Variants in SARDH observed in about 807,000 individuals in gnomAD.
SARDH encodes the protein sarcosine dehydrogenase.
SARDH carries 95 observed loss-of-function variants against 109.1 expected under a neutral mutation model. That is an observed-to-expected ratio of 0.87 (90% CI 0.74 to 1.03). SARDH has a LOEUF of 1.03. Among genes scored for constraint, SARDH ranks in the 50% least tolerant of loss-of-function variants. The pLI is 0.00. For missense variants in SARDH, 1,267 were observed against 1,287.8 expected (o/e 0.98, Z 0.25); for synonymous variants, 572 against 534.8 (o/e 1.07, Z -0.96).
chr9:133,672,476 T>C (rs1419553803), intron 17 of SARDH, among the ~76,000 whole-genome samples: 1 of 152,172 alleles, frequency 6.6e-6, no homozygotes, highest in Non-Finnish European at 1.5e-5. Flanking sequence ...GAGCCCAGCT[T>C]TATCTGTTTC....
rs569897475 is a variant in SARDH at position 133,719,140 on chromosome 9, C to T, written c.916-98G>A. 9.1e-4 allele frequency: 877 copies of T among 966,288 alleles called. 4 individuals are homozygous for T. Among genetic ancestry groups the T allele is most frequent in the Non-Finnish European group, 6.5e-4 (396 of 610,354 alleles). 59.9% of individuals were successfully genotyped at this position (966,288 alleles called of 1,614,324 possible). ...GGGCCAGCACCTCCACCCAGGGTCA[C>T]GGGCTCGAGATGGTCCTTCTCGTTG... On this transcript the variant is annotated intron_variant, in intron 6 of 20. Coordinates refer to ENST00000439388, the MANE Select transcript of SARDH (RefSeq NM_001134707.2).
rs1216379776 is a variant in SARDH at position 133,690,927 on chromosome 9, C to A, written c.1922-400G>T. 3.9e-5 allele frequency among the ~76,000 whole-genome samples: 6 copies of A among 152,114 alleles called. No homozygotes were observed. The East Asian group carries it at 1.2e-3, about 29-fold the overall frequency. On this transcript the variant is annotated intron_variant, in intron 15 of 20. Transcript: ENST00000439388. ...TTTTCTCATCTGTAAAAGGGGCAGA[C>A]CCACAACATCTGGCCCCACAGGGCT...
intron 14 of SARDH, among the ~76,000 whole-genome samples, chr9:133,695,685 T>C (rs1831259593): frequency 8.3e-6 from 1 of 120,378 alleles, no homozygotes; most frequent in Non-Finnish European, 1.6e-5. Context: ...GATCCTCTGT[T>C]CTGGCAGCCC....
intron 17 of SARDH, among the ~76,000 whole-genome samples, chr9:133,682,356 A>G (rs988862829): frequency 2.0e-5 from 3 of 152,226 alleles, no homozygotes; most frequent in African/African-American, 7.2e-5. Context: ...AAATCCACAG[A>G]TAGTCACAGA....
In SARDH at chr9:133,732,719, T is replaced by C. The variant is rs1432498258; in HGVS notation, c.332-118A>G. ...ATGGGTGTCTTTCTCTGCAAGGTCT[T>C]TCTCTGCAGGACCTGGGGGGCCTGG... On this transcript the variant is annotated intron_variant, in intron 2 of 20. Transcript: ENST00000439388. 6.9e-6 allele frequency: 8 copies of C among 1,166,358 alleles called. No homozygotes were observed. The African/African-American group carries it at 9.3e-5, about 14-fold the overall frequency. 72.3% of individuals were successfully genotyped at this position (1,166,358 alleles called of 1,614,324 possible). A position where few individuals can be genotyped will look rare whatever the true frequency, so the allele number is the denominator to read the frequency against.
Position 133,731,474 on chromosome 9 carries a change from G to A in SARDH, c.521C>T (p.Ala174Val), listed in dbSNP as rs891333543. ...CAGCACATGGGATTCCACACCATAC[G>A]CCTTGCCCAGCTAGGGGGACCCAGG... ...EYKRLMSLGKAYGVESHVLSP... is the reference protein window; with the variant it reads ...EYKRLMSLGKVYGVESHVLSP... Residue 174 changes from alanine (A) to valine (V), a missense_variant, in exon 4 of 21, where the codon GCG becomes GTG. Transcript: ENST00000439388. The A allele has an allele frequency of 1.2e-5, 19 of 1,613,920 alleles. No individual in the cohort carries two copies. The African/African-American group carries it at 1.3e-4, about 11-fold the overall frequency.
rs763745176 is a variant in SARDH, at chr9:133,664,018, G to A, written c.2632-4C>T. 2 of 1,613,806 alleles carry A rather than the reference G, an allele frequency of 1.2e-6. No homozygotes were observed. The highest frequency in any genetic ancestry group is 2.7e-5 in the African/African-American group (2 of 74,920). On this transcript the variant is annotated splice_region_variant and splice_polypyrimidine_tract_variant and intron_variant, in intron 20 of 20. Coordinates refer to ENST00000439388, the MANE Select transcript of SARDH (RefSeq NM_001134707.2). ...TCTTCACAAAGTCCAGCGAGACCTA[G>A]GAGCAGAGGTGGGGATGAGGATCAC...
At chr9:133,690,613 G>A (rs1049477454) in intron 15 of SARDH, 86 bp from the exon 16 acceptor site, 12 of 1,478,832 alleles carry the variant, frequency 8.1e-6, no homozygotes, top group Non-Finnish European at 1.0e-5. Context: ...TCTCCCGGCT[G>A]AGAAAACAAA....
chr9:133,683,070 G>C (rs1265559803), intron 17 of SARDH, among the ~76,000 whole-genome samples: 1 of 152,214 alleles, frequency 6.6e-6, no homozygotes, highest in Admixed American at 6.5e-5. Context: ...GTTCCTCTGG[G>C]GGATGTCATC....
At chr9:133,710,585 G>A (rs1219102701) in intron 10 of SARDH, among the ~76,000 whole-genome samples, 2 of 152,208 alleles carry the variant, frequency 1.3e-5, no homozygotes, top group Non-Finnish European at 2.9e-5. Context: ...GAGCAGGGGA[G>A]AGCTCCGTTC....
chr9:133,673,607 C>T (rs1007927356), intron 17 of SARDH, among the ~76,000 whole-genome samples: 1 of 152,108 alleles, frequency 6.6e-6, no homozygotes, highest in South Asian at 2.1e-4. Flanking sequence ...CTCTAAGTTG[C>T]CATTTGCCCA....
intron 18 of SARDH, 144 bp downstream of exon 18, chr9:133,671,391 G>A (rs1830341720): frequency 9.0e-7 from 1 of 1,109,798 alleles, no homozygotes; most frequent in Admixed American, 2.8e-5. Flanking sequence ...CTGGGGTGTA[G>A]GGGAGGAAAT....
rs191848574 is a variant in SARDH, at chr9:133,664,028, T to C, written c.2632-14A>G. On this transcript the variant is annotated splice_polypyrimidine_tract_variant and intron_variant, in intron 20 of 20. Transcript: ENST00000439388. ...GTCCAGCGAGACCTAGGAGCAGAGG[T>C]GGGGATGAGGATCACTCTCTGTTGG... 36 of 1,613,224 alleles carry C rather than the reference T, an allele frequency of 2.2e-5. No individual in the cohort carries two copies. The African/African-American group carries it at 3.3e-4, about 15-fold the overall frequency.
chr9:133,719,115 G>A, intron 6 of SARDH, 73 bp from the exon 7 acceptor site: 11 of 1,291,152 alleles, frequency 8.5e-6, no homozygotes, highest in Non-Finnish European at 1.2e-5. Flanking sequence ...GCCCCGTGGT[G>A]GGCCAGCACC....
downstream of SARDH, among the ~76,000 whole-genome samples, chr9:133,662,016 G>A (rs1273261115): frequency 2.6e-5 from 4 of 152,160 alleles, no homozygotes; most frequent in South Asian, 2.1e-4. This position sits in a 1 kb window ranked among gnomAD's most constrained non-coding sequence, Gnocchi z 5.1. Context: ...CTCTGGCAGC[G>A]CAGGGATGGA....
At chr9:133,723,048 TA>T (rs1832379762) in intron 6 of SARDH, among the ~76,000 whole-genome samples, 1 of 152,142 alleles carries the variant, frequency 6.6e-6, no homozygotes, top group South Asian at 2.1e-4. Context: ...TCAAAAATAA[TA>T]AATATGCTTA....
chr9:133,690,652 G>A lies in SARDH; in HGVS notation c.1922-125C>T, dbSNP rs140966639. 9.8e-4 allele frequency: 1,081 copies of A among 1,107,058 alleles called. 8 individuals are homozygous for A. The African/African-American group carries it at 0.015, about 15-fold the overall frequency. 68.6% of individuals were successfully genotyped at this position (1,107,058 alleles called of 1,614,324 possible). A position where few individuals can be genotyped will look rare whatever the true frequency, so the allele number is the denominator to read the frequency against. ...CCTCTCAGGGGCCTGTGCCTTCACA[G>A]TGCCCAGGAACCGTATCTGTCCCTC... is the stretch of plus-strand genomic sequence containing the variant. On this transcript the variant is annotated intron_variant, in intron 15 of 20. Coordinates refer to ENST00000439388, the MANE Select transcript of SARDH (RefSeq NM_001134707.2).
chr9:133,699,858 C>T (rs570818449), intron 13 of SARDH, among the ~76,000 whole-genome samples: 3 of 152,332 alleles, frequency 2.0e-5, no homozygotes, highest in South Asian at 2.1e-4. Context: ...ACCCAGGCCT[C>T]GTTATATACC....
At chr9:133,702,590 C>G (rs959690623) in intron 13 of SARDH, among the ~76,000 whole-genome samples, 3 of 152,220 alleles carry the variant, frequency 2.0e-5, no homozygotes, top group Admixed American at 6.5e-5. Flanking sequence ...GGCGCAGCTC[C>G]GGAGAGCGGG....
Sources: allele counts gnomAD v4.1 joint callset (sites outside exome capture counted in the v4.1 genomes callset), GRCh38; gene constraint gnomAD v4.1.1; non-coding constraint Gnocchi (gnomAD v3.1); transcripts MANE v1.5; gene names NCBI Gene and HGNC (gene_info 2026-07-23, HGNC 2026-07-21).